WDPCP: variants seen among roughly 807,000 people sequenced by gnomAD.
The protein encoded by WDPCP is WD repeat-containing and planar cell polarity effector protein fritz homolog.
WDPCP carries 71 observed loss-of-function variants against 93.1 expected under a neutral mutation model. That is an observed-to-expected ratio of 0.76 (90% CI 0.63 to 0.93). The LOEUF is 0.93. Among genes scored for constraint, WDPCP ranks in the 40% least tolerant of loss-of-function variants. The pLI is 0.00. For missense variants in WDPCP, 844 were observed against 887.4 expected, an observed-to-expected ratio of 0.95 and a Z score of 0.62; for synonymous variants, 315 against 315.0, an observed-to-expected ratio of 1.00 and a Z score of 0.00.
intron 12 of WDPCP, among the ~76,000 whole-genome samples, chr2:63,366,581 T>A (rs988289129): frequency 6.6e-5 from 10 of 152,286 alleles, no homozygotes; most frequent in Non-Finnish European, 1.5e-4. Context: ...ATCATATTAA[T>A]TCTCACAACA....
chr2:63,599,330 C>T (rs373838241), intron 3 of WDPCP: 1 of 1,580,784 alleles, frequency 6.3e-7, no homozygotes, highest in Non-Finnish European at 8.6e-7. Context: ...GGTTGTTCAA[C>T]TTTAAAACAT....
intron 17 of WDPCP, among the ~76,000 whole-genome samples, chr2:63,135,317 T>C (rs1670540343): frequency 6.6e-6 from 1 of 152,200 alleles, no homozygotes; most frequent in South Asian, 2.1e-4. Flanking sequence ...GCTAATATAA[T>C]TGTTCTTCAA....
At chr2:63,405,532 AGTGTGTGTGTGTGTGTGT>A (rs55807956) in intron 9 of WDPCP, among the ~76,000 whole-genome samples, 59 of 125,010 alleles carry the variant, frequency 4.7e-4, no homozygotes, top group African/African-American at 1.4e-3. Flanking sequence ...ATTTTGGTAT[AGTGTGTGTGTGTGTGTGT>A]GTGTGTGTGT....
In WDPCP at chr2:63,174,692, T is replaced by G; in HGVS notation, c.2056A>C (p.Ile686Leu). ...PTHRHILQQR[I>L]LNGSSNRQII... ...TACCTGTTAGAAGAGCCATTCAGTA[T>G]TCTTTGTTGTAAAATATGTCTGTGG... Residue 686 changes from isoleucine (I) to leucine (L), a missense_variant, in exon 15 of 18, where the codon ATA becomes CTA. Ile to Leu is a conservative substitution (Grantham distance 5). Transcript: ENST00000272321. 1 of 1,613,956 alleles carries G rather than the reference T, an allele frequency of 6.2e-7. No homozygotes were observed. Among genetic ancestry groups the G allele is most frequent in the Non-Finnish European group, 8.5e-7 (1 of 1,179,894 alleles).
intron 10 of WDPCP, among the ~76,000 whole-genome samples, chr2:63,393,386 C>T (rs553266922): frequency 1.1e-3 from 159 of 150,584 alleles, no homozygotes; most frequent in Non-Finnish European, 1.6e-3. Context: ...GGCCTGTCAG[C>T]GGGTGGGGGG....
chr2:63,607,323 A>C (rs1284814769), intron 3 of WDPCP: 1 of 162,600 alleles, frequency 6.2e-6, no homozygotes, highest in Non-Finnish European at 1.3e-5. Flanking sequence ...GGATCACCTG[A>C]GGTCCGGAGT....
intron 13 of WDPCP, among the ~76,000 whole-genome samples, chr2:63,292,099 C>G (rs1684478393): frequency 7.3e-6 from 1 of 136,318 alleles, no homozygotes; most frequent in Non-Finnish European, 1.5e-5. Context: ...CGCCACTGCA[C>G]TCCAGCCTGG....
chr2:63,509,562 C>T (rs969991350), intron 1 of WDPCP, among the ~76,000 whole-genome samples: 1 of 151,894 alleles, frequency 6.6e-6, no homozygotes, highest in African/African-American at 2.4e-5. Flanking sequence ...TAACAGAAGA[C>T]AAGAAATAAC....
intron 6 of WDPCP, chr2:63,440,353 T>G (rs1344927695): frequency 6.6e-6 from 1 of 152,472 alleles, no homozygotes; most frequent in Non-Finnish European, 1.5e-5. Context: ...TAAACACTAT[T>G]TACTTCTAAA....
At chr2:63,216,983 A>C (rs1677413418) in intron 14 of WDPCP, among the ~76,000 whole-genome samples, 1 of 152,194 alleles carries the variant, frequency 6.6e-6, no homozygotes, top group Non-Finnish European at 1.5e-5. Context: ...TGAACCTATC[A>C]AATACTTTAA....
chr2:63,464,866 G>T (rs1000545716), intron 6 of WDPCP, among the ~76,000 whole-genome samples: 3 of 151,956 alleles, frequency 2.0e-5, no homozygotes, highest in African/African-American at 7.2e-5. Flanking sequence ...TAGAATGCTG[G>T]TTACCAGGGG....
intron 3 of WDPCP, among the ~76,000 whole-genome samples, chr2:63,615,931 C>T (rs766893538): frequency 1.8e-4 from 28 of 152,142 alleles, no homozygotes; most frequent in Non-Finnish European, 3.2e-4. Context: ...CTGGAAGTTA[C>T]CTTGGTAATA....
At chr2:63,711,872 A>T (rs1272282008) in intron 2 of WDPCP, among the ~76,000 whole-genome samples, 1 of 152,148 alleles carries the variant, frequency 6.6e-6, no homozygotes, top group Non-Finnish European at 1.5e-5. Context: ...CACATTCCTG[A>T]CCTTTTGGAT....
chr2:63,781,006 A>C (rs1670383848), intron 2 of WDPCP, among the ~76,000 whole-genome samples: 1 of 152,204 alleles, frequency 6.6e-6, no homozygotes, highest in Admixed American at 6.5e-5. Flanking sequence ...GAATCTCAGC[A>C]CAGTTAGAAT....
At chr2:63,486,393 C>A in intron 4 of WDPCP, 149 bp downstream of exon 4, 3 of 631,080 alleles carry the variant, frequency 4.8e-6, no homozygotes, top group Non-Finnish European at 8.2e-6. Context: ...CTGACAAATA[C>A]AATTGTTACT....
intron 14 of WDPCP, among the ~76,000 whole-genome samples, chr2:63,199,231 C>T (rs554958612): frequency 6.6e-6 from 1 of 152,274 alleles, no homozygotes; most frequent in African/African-American, 2.4e-5. Flanking sequence ...GCAAAATTTG[C>T]AGCCTGACCA....
At chr2:63,772,288 T>G (rs1313059437) in intron 2 of WDPCP, among the ~76,000 whole-genome samples, 7 of 152,124 alleles carry the variant, frequency 4.6e-5, no homozygotes, top group Admixed American at 2.0e-4. Flanking sequence ...CGATTAGTGA[T>G]GTTGAGCATT....
At chr2:63,654,923 G>T (rs1017839539) in intron 2 of WDPCP, among the ~76,000 whole-genome samples, 1 of 151,998 alleles carries the variant, frequency 6.6e-6, no homozygotes, top group African/African-American at 2.4e-5. Flanking sequence ...TGACTGTACT[G>T]GGATTAAGCT....
chr2:63,626,170 C>G (rs879075202), intron 3 of WDPCP, among the ~76,000 whole-genome samples: 1 of 152,128 alleles, frequency 6.6e-6, no homozygotes, highest in Admixed American at 6.5e-5. Context: ...TTCCTTACAC[C>G]TTATACAAAA....
Sources: allele counts gnomAD v4.1 joint callset (sites outside exome capture counted in the v4.1 genomes callset), GRCh38; gene constraint gnomAD v4.1.1; transcripts MANE v1.5; gene names NCBI Gene and HGNC (gene_info 2026-07-23, HGNC 2026-07-21).